Variants in LOC122539214 observed in about 807,000 individuals in gnomAD.
the LOC122539214 span, among the ~76,000 whole-genome samples, chr19:52,672,497 G>A: frequency 7.2e-5 from 11 of 152,136 alleles, no homozygotes; most frequent in East Asian, 1.9e-4. Context: ...CCTGTAATCC[G>A]AGCATGATGG....
At chr19:52,663,186 G>A in the LOC122539214 span, among the ~76,000 whole-genome samples, 2 of 151,934 alleles carry the variant, frequency 1.3e-5, no homozygotes, top group Non-Finnish European at 2.9e-5. Context: ...AAAAATTCCA[G>A]GACCATCTGT....
chr19:52,654,219 A>C, the LOC122539214 span: 5 of 1,586,466 alleles, frequency 3.2e-6, no homozygotes, highest in Admixed American at 6.7e-5. Context: ...TGGGTGCTTC[A>C]TGGCCATTTC....
At chr19:52,669,876 CTTCTTCTTATT>C in the LOC122539214 span, among the ~76,000 whole-genome samples, 2 of 151,632 alleles carry the variant, frequency 1.3e-5, no homozygotes, top group Non-Finnish European at 3.0e-5. Flanking sequence ...TCCAAAGAAG[CTTCTTCTTATT>C]TTGGAAAATC....
At chr19:52,672,142 G>A in the LOC122539214 span, among the ~76,000 whole-genome samples, 1 of 152,130 alleles carries the variant, frequency 6.6e-6, no homozygotes, top group Non-Finnish European at 1.5e-5. Flanking sequence ...ATTGAGGCAG[G>A]AGAATCTCTT....
chr19:52,667,195 C>A, the LOC122539214 span, among the ~76,000 whole-genome samples: 1 of 136,006 alleles, frequency 7.4e-6, no homozygotes, highest in Admixed American at 7.8e-5. Context: ...GAAGGAAGTT[C>A]ACTTTGGGAA....
chr19:52,664,231 C>T, the LOC122539214 span, among the ~76,000 whole-genome samples: 4 of 149,760 alleles, frequency 2.7e-5, no homozygotes, highest in Admixed American at 2.7e-4. Context: ...TGTGGTGGCT[C>T]ATGCCTGTAA....
the LOC122539214 span, chr19:52,655,448 A>C: frequency 1.0e-6 from 1 of 994,840 alleles, no homozygotes; most frequent in Non-Finnish European, 1.5e-6. Flanking sequence ...GAAAACAATG[A>C]CATGTACATC....
chr19:52,669,030 G>A, the LOC122539214 span, among the ~76,000 whole-genome samples: 1 of 151,758 alleles, frequency 6.6e-6, no homozygotes, highest in Non-Finnish European at 1.5e-5. Flanking sequence ...CTGAAGGGAT[G>A]CAGAGAGCTT....
At chr19:52,664,789 G>T in the LOC122539214 span, among the ~76,000 whole-genome samples, 1 of 151,812 alleles carries the variant, frequency 6.6e-6, no homozygotes, top group African/African-American at 2.4e-5. Context: ...GGGCTGTGAG[G>T]GGTTCGCAGG....
chr19:52,670,101 A>C, the LOC122539214 span, among the ~76,000 whole-genome samples: 599 of 150,548 alleles, frequency 4.0e-3, 2 homozygotes, highest in African/African-American at 0.014. Flanking sequence ...CTCCACCCTG[A>C]CTCATTCCAA....
the LOC122539214 span, chr19:52,653,340 C>A: frequency 4.8e-6 from 6 of 1,245,468 alleles, no homozygotes; most frequent in Admixed American, 3.5e-5. Context: ...TATGAACTCT[C>A]TGATGTTGTG....
At chr19:52,660,733 G>T in the LOC122539214 span, 1 of 199,670 alleles carries the variant, frequency 5.0e-6, no homozygotes. Flanking sequence ...AAAAGAGAGA[G>T]AAGAATCCAC....
chr19:52,662,529 CTAAT>C, the LOC122539214 span, among the ~76,000 whole-genome samples: 3 of 152,060 alleles, frequency 2.0e-5, no homozygotes, highest in Non-Finnish European at 4.4e-5. Flanking sequence ...TGATCTGAGT[CTAAT>C]TACCTGTTTT....
At chr19:52,685,482 TA>T in the LOC122539214 span, among the ~76,000 whole-genome samples, 1 of 151,362 alleles carries the variant, frequency 6.6e-6, no homozygotes, top group East Asian at 1.9e-4. Flanking sequence ...AATTCTTCCT[TA>T]AAAAAAAATC....
chr19:52,679,702 A>C, the LOC122539214 span, among the ~76,000 whole-genome samples: 1 of 152,168 alleles, frequency 6.6e-6, no homozygotes, highest in South Asian at 2.1e-4. Flanking sequence ...CCACGCTGAC[A>C]ATTCTGCTCA....
chr19:52,688,267 C>A, the LOC122539214 span, among the ~76,000 whole-genome samples: 1 of 151,968 alleles, frequency 6.6e-6, no homozygotes, highest in Non-Finnish European at 1.5e-5. Context: ...ACCTCCCGAG[C>A]TCAAGTGATC....
At chr19:52,670,645 T>C in the LOC122539214 span, among the ~76,000 whole-genome samples, 2 of 152,178 alleles carry the variant, frequency 1.3e-5, no homozygotes, top group African/African-American at 4.8e-5. Context: ...TGAATAATCA[T>C]GGCCCATGAC....
the LOC122539214 span, among the ~76,000 whole-genome samples, chr19:52,670,680 C>T: frequency 5.3e-5 from 8 of 152,118 alleles, no homozygotes; most frequent in African/African-American, 1.9e-4. Flanking sequence ...GTCCTGAGAA[C>T]ATATGTCCAA....
chr19:52,662,715 T>A, the LOC122539214 span, among the ~76,000 whole-genome samples: 1 of 152,142 alleles, frequency 6.6e-6, no homozygotes, highest in Non-Finnish European at 1.5e-5. Flanking sequence ...ATTCCTCACC[T>A]GTATATTACA....
Sources: allele counts gnomAD v4.1 joint callset (sites outside exome capture counted in the v4.1 genomes callset), GRCh38; gene constraint gnomAD v4.1.1; transcripts MANE v1.5.